The following UGGT1 variants were observed in gnomAD, a reference collection of about 807,000 sequenced individuals.
UGGT1 encodes UDP-glucose:glycoprotein glucosyltransferase 1.
UGGT1 carries 107 observed loss-of-function variants against 203.9 expected under a neutral mutation model. The observed-to-expected ratio is 0.52, with a 90% CI of 0.45 to 0.62. The LOEUF is 0.62. UGGT1 is among the 20% of genes least tolerant of loss of function. The pLI, the probability that UGGT1 is intolerant of heterozygous loss-of-function variation, is 0.00. For missense variants in UGGT1, 1,673 were observed against 1,867.2 expected (o/e 0.90, Z 1.92); for synonymous variants, 628 against 653.5 (o/e 0.96, Z 0.59).
chr2:128,125,554 G>A (rs1688562845), intron 11 of UGGT1, among the ~76,000 whole-genome samples: 1 of 152,038 alleles, frequency 6.6e-6, no homozygotes. Context: ...AAAATTTGGT[G>A]GCCTTTTTCT....
At chr2:128,092,061 CT>C (rs1160147325) in intron 1 of UGGT1, among the ~76,000 whole-genome samples, 3 of 152,130 alleles carry the variant, frequency 2.0e-5, no homozygotes, top group Non-Finnish European at 4.4e-5. Flanking sequence ...GGTCTTTTGC[CT>C]TATTGTGCTA....
chr2:128,132,105 C>T (rs1248336064), intron 13 of UGGT1, among the ~76,000 whole-genome samples: 1 of 152,070 alleles, frequency 6.6e-6, no homozygotes, highest in Non-Finnish European at 1.5e-5. Context: ...TATGAAATTT[C>T]ATTGAGGTCT....
At chr2:128,166,664 G>A (rs1690805075) in intron 26 of UGGT1, among the ~76,000 whole-genome samples, 5 of 152,138 alleles carry the variant, frequency 3.3e-5, no homozygotes, top group Admixed American at 3.3e-4. Context: ...GTCCAGGACA[G>A]TTGTCTTATG....
chr2:128,094,529 G>A (rs1227142586), intron 1 of UGGT1, among the ~76,000 whole-genome samples: 3 of 151,984 alleles, frequency 2.0e-5, no homozygotes, highest in Admixed American at 2.0e-4. Flanking sequence ...GATAGTCTTC[G>A]AGACTAAGGG....
At chr2:128,104,708 A>G (rs1368817949) in intron 3 of UGGT1, among the ~76,000 whole-genome samples, 1 of 152,052 alleles carries the variant, frequency 6.6e-6, no homozygotes, top group Non-Finnish European at 1.5e-5. Flanking sequence ...GTGCAGTGGT[A>G]CGATCTGGGC....
In UGGT1 at chr2:128,153,040, G is replaced by A. The variant is rs1368552407; in HGVS notation, c.2137+136G>A. 3 of 1,261,012 alleles carry A rather than the reference G, an allele frequency of 2.4e-6. No homozygotes were observed. The East Asian group carries it at 7.6e-5, about 32-fold the overall frequency. The allele number at this position is 1,261,012 out of a possible 1,614,324, so 78.1% of individuals were successfully genotyped here. A position where few individuals can be genotyped will look rare whatever the true frequency, so the allele number is the denominator to read the frequency against. On this transcript the variant is annotated intron_variant, in intron 19 of 40. Coordinates refer to ENST00000259253, the MANE Select transcript of UGGT1 (RefSeq NM_020120.4). ...GCCCAAGATTGTGACAAAATTTTAT[G>A]TGTAAACTCTTTGCACCTTTAGTTC...
At chr2:128,180,154 A>G (rs1691615390) in intron 35 of UGGT1, among the ~76,000 whole-genome samples, 2 of 152,344 alleles carry the variant, frequency 1.3e-5, no homozygotes, top group South Asian at 2.1e-4. Context: ...TGAAGCCTGC[A>G]TGCTTGCTTT....
chr2:128,111,624 G>T (rs576667575), intron 5 of UGGT1, among the ~76,000 whole-genome samples: 122 of 151,882 alleles, frequency 8.0e-4, no homozygotes, highest in Middle Eastern at 3.4e-3. Context: ...TCCTGCCTCA[G>T]CCTCCCAAGT....
chr2:128,126,562 C>T (rs1210508658), intron 11 of UGGT1, among the ~76,000 whole-genome samples: 1 of 151,722 alleles, frequency 6.6e-6, no homozygotes. Context: ...ATATGAAACA[C>T]AAAGAGGGAA....
In UGGT1 at chr2:128,182,305, C is replaced by T; in HGVS notation, c.4244+15C>T. 6.3e-7 allele frequency: 1 copy of T among 1,595,318 alleles called. No individual in the cohort carries two copies. Among genetic ancestry groups the T allele is most frequent in the Non-Finnish European group, 8.5e-7 (1 of 1,172,108 alleles). ...TATCATATCAGGTACTGAAAAGAAG[C>T]ACTCCTAACACTGTTACGGGGTTTT... is the stretch of plus-strand genomic sequence containing the variant. On this transcript the variant is annotated intron_variant, in intron 37 of 40. Coordinates refer to ENST00000259253, the MANE Select transcript of UGGT1 (RefSeq NM_020120.4).
At chr2:128,117,507 A>G (rs1015393916) in intron 8 of UGGT1, among the ~76,000 whole-genome samples, 3 of 151,814 alleles carry the variant, frequency 2.0e-5, no homozygotes, top group African/African-American at 2.4e-5. Context: ...TGTAAGCATC[A>G]TAGTATTTTA....
intron 3 of UGGT1, among the ~76,000 whole-genome samples, chr2:128,106,654 CG>C (rs1225994979): frequency 6.6e-6 from 1 of 152,094 alleles, no homozygotes; most frequent in African/African-American, 2.4e-5. Flanking sequence ...CTCTGCCTCC[CG>C]GATTCAAGTG....
chr2:128,126,203 A>C (rs532530155), intron 11 of UGGT1, among the ~76,000 whole-genome samples: 2 of 151,000 alleles, frequency 1.3e-5, no homozygotes, highest in Non-Finnish European at 2.9e-5. Context: ...TGGCCTCCCA[A>C]AGTGGTGGGA....
At chr2:128,161,347 TACTC>T (rs777266481) in intron 25 of UGGT1, 79 bp downstream of exon 25, 448 of 1,496,242 alleles carry the variant, frequency 3.0e-4, no homozygotes, top group Non-Finnish European at 3.9e-4. Context: ...TATATGTTGT[TACTC>T]ATACTACATA....
At position 128,103,815 on chromosome 2, in the gene UGGT1, T is replaced by G. The variant is rs568318021; in HGVS notation, c.195-117T>G. The G allele has an allele frequency of 9.2e-5, 54 of 584,982 alleles. 1 individual carries two copies. The East Asian group carries it at 1.9e-3, about 20-fold the overall frequency. 36.2% of individuals were successfully genotyped at this position (584,982 alleles called of 1,614,324 possible). ...ATAAAAGAGTATTATATATTATAGA[T>G]TAAAAGTCAAACTATGGACATTTGG... On this transcript the variant is annotated intron_variant, in intron 2 of 40. Coordinates refer to ENST00000259253, the MANE Select transcript of UGGT1 (RefSeq NM_020120.4).
chr2:128,116,332 TG>T lies in UGGT1; in HGVS notation c.863del (p.Gly288GlufsTer3), dbSNP rs1688099314. On this transcript the variant is annotated frameshift_variant, in exon 8 of 41. Coordinates refer to ENST00000259253, the MANE Select transcript of UGGT1 (RefSeq NM_020120.4). LOFTEE classifies it high-confidence loss of function. ...TTGATGAGGTTCAGGGGTTCCTCTT[TG>T]GAAAATTAAGGTATGTATGTTCTGT... ...PIDEVQGFLF[G>X]KLRDLHPDLE... 6.2e-7 allele frequency: 1 copy of T among 1,609,174 alleles called. No individual in the cohort carries two copies. The highest frequency in any genetic ancestry group is 8.5e-7 in the Non-Finnish European group (1 of 1,175,580).
chr2:128,152,443 G>A (rs1294618668), intron 18 of UGGT1, among the ~76,000 whole-genome samples: 1 of 152,218 alleles, frequency 6.6e-6, no homozygotes, highest in Non-Finnish European at 1.5e-5. Flanking sequence ...ACAGGCATGA[G>A]CCACCATTCC....
chr2:128,148,083 A>G (rs981382367), intron 18 of UGGT1, among the ~76,000 whole-genome samples: 2 of 151,714 alleles, frequency 1.3e-5, no homozygotes, highest in African/African-American at 2.4e-5. Flanking sequence ...TTTTTTTGAG[A>G]CAGAGTTTCG....
intron 12 of UGGT1, among the ~76,000 whole-genome samples, chr2:128,128,587 C>T (rs561366948): frequency 6.6e-6 from 1 of 152,324 alleles, no homozygotes; most frequent in Non-Finnish European, 1.5e-5. Flanking sequence ...GCTGGGATTA[C>T]AGGCATGAGC....
Sources: gnomAD v4.1 joint callset for allele counts (sites outside exome capture counted in the v4.1 genomes callset) on GRCh38, gnomAD v4.1.1 for gene constraint, MANE v1.5 for transcripts, NCBI Gene and HGNC (gene_info 2026-07-23, HGNC 2026-07-21) for gene names.